ITCH: variants seen among roughly 807,000 people sequenced by gnomAD.
ITCH encodes the protein E3 ubiquitin-protein ligase Itchy homolog.
In ITCH, 28 loss-of-function variants were observed where a neutral mutation model predicts 126.8. The ratio of observed to expected loss-of-function variants is 0.22; its 90% confidence interval spans 0.16 to 0.30. The LOEUF is 0.30. ITCH is among the 10% of genes least tolerant of loss of function. The pLI is 1.00. For synonymous variants in ITCH, 342 were observed against 340.0 expected (o/e 1.01, Z -0.06); for missense variants, 631 against 1,032.4 (o/e 0.61, Z 5.33).
intron 6 of ITCH, among the ~76,000 whole-genome samples, chr20:34,423,115 A>T (rs755608538): frequency 1.3e-5 from 2 of 152,090 alleles, no homozygotes; most frequent in Non-Finnish European, 2.9e-5. Context: ...ATCTCTAAAA[A>T]TTCGTCTTTT....
chr20:34,420,102 G>T (rs1980555887), intron 6 of ITCH, among the ~76,000 whole-genome samples: 1 of 152,048 alleles, frequency 6.6e-6, no homozygotes, highest in African/African-American at 2.4e-5. Flanking sequence ...TTAAAACTGA[G>T]ATGAAATTTA....
At chr20:34,404,847 T>C (rs1049345702) in intron 3 of ITCH, among the ~76,000 whole-genome samples, 1 of 152,064 alleles carries the variant, frequency 6.6e-6, no homozygotes, top group Non-Finnish European at 1.5e-5. Flanking sequence ...ATGTAAAGTT[T>C]GTTAGGCCAG....
At chr20:34,483,788 G>A (rs947623975) in intron 20 of ITCH, among the ~76,000 whole-genome samples, 2 of 152,104 alleles carry the variant, frequency 1.3e-5, no homozygotes, top group African/African-American at 4.8e-5. Context: ...CCCCACTCCT[G>A]GTAACAATTT....
intron 2 of ITCH, among the ~76,000 whole-genome samples, chr20:34,375,987 A>G (rs1333224713): frequency 1.3e-5 from 2 of 152,056 alleles, no homozygotes; most frequent in Non-Finnish European, 2.9e-5. Context: ...CAGACTGAAC[A>G]TCTTAATTTT....
chr20:34,476,965 C>T (rs1419024761), intron 16 of ITCH, among the ~76,000 whole-genome samples: 1 of 152,150 alleles, frequency 6.6e-6, no homozygotes, highest in Non-Finnish European at 1.5e-5. Flanking sequence ...ATCCTATTAA[C>T]CACCTATAGT....
At chr20:34,421,568 G>T (rs1386044566) in intron 6 of ITCH, among the ~76,000 whole-genome samples, 1 of 151,922 alleles carries the variant, frequency 6.6e-6, no homozygotes, top group Admixed American at 6.6e-5. Flanking sequence ...TCTCTTCTTG[G>T]ACGTTCATTG....
intron 14 of ITCH, among the ~76,000 whole-genome samples, chr20:34,464,296 C>CTTT (rs1335251611): frequency 9.4e-5 from 13 of 137,850 alleles, no homozygotes; most frequent in Non-Finnish European, 1.6e-4. Flanking sequence ...CCTGTTTTTT[C>CTTT]TTTTTTTTTT....
At chr20:34,436,614 G>A (rs185163709) in intron 7 of ITCH, among the ~76,000 whole-genome samples, 5 of 152,294 alleles carry the variant, frequency 3.3e-5, no homozygotes, top group Middle Eastern at 6.8e-3. Flanking sequence ...AGCATTTGGG[G>A]AACCCCCAAA....
rs1396364718 is a variant in ITCH at position 34,457,615 on chromosome 20, A to G, written c.1295+141A>G. On this transcript the variant is annotated intron_variant, in intron 13 of 24. Transcript: ENST00000374864. ...ACATACTTTGGAAAGAGAAAATTAT[A>G]CTATTATTTTCATCTAATGGAAAGT... is the stretch of plus-strand genomic sequence containing the variant. 4.4e-6 allele frequency: 3 copies of G among 674,746 alleles called. No homozygotes were observed. In the Admixed American group the frequency reaches 7.2e-5, roughly 16 times the overall value. The allele number at this position is 674,746 out of a possible 1,614,324, so 41.8% of individuals were successfully genotyped here. A position where few individuals can be genotyped will look rare whatever the true frequency, so the allele number is the denominator to read the frequency against.
intron 2 of ITCH, among the ~76,000 whole-genome samples, chr20:34,384,604 G>T (rs1342365701): frequency 6.7e-6 from 1 of 149,664 alleles, no homozygotes; most frequent in Non-Finnish European, 1.5e-5. Context: ...ATAATGTTTA[G>T]AAATGATCTG....
intron 2 of ITCH, among the ~76,000 whole-genome samples, chr20:34,382,533 G>A: frequency 6.6e-6 from 1 of 150,650 alleles, no homozygotes; most frequent in Non-Finnish European, 1.5e-5. Flanking sequence ...AGCCTCTCAA[G>A]TGGCTGGAAT....
chr20:34,485,754 C>G (rs1433296575), intron 20 of ITCH, among the ~76,000 whole-genome samples: 1 of 152,174 alleles, frequency 6.6e-6, no homozygotes, highest in Non-Finnish European at 1.5e-5. Context: ...ACGATCAGAG[C>G]TCACTGCAGT....
chr20:34,503,871 T>TTTG (rs754162017), intron 23 of ITCH, among the ~76,000 whole-genome samples: 1 of 88,928 alleles, frequency 1.1e-5, no homozygotes, highest in African/African-American at 4.4e-5. Context: ...TTTTTTTTGG[T>TTTG]TTTTTTTTTT....
intron 1 of ITCH, among the ~76,000 whole-genome samples, chr20:34,364,384 A>G (rs1045888953): frequency 6.6e-6 from 1 of 152,114 alleles, no homozygotes; most frequent in African/African-American, 2.4e-5. Context: ...CCCTGGAGCC[A>G]GCCACCCACT....
At chr20:34,476,347 G>T in intron 16 of ITCH, 1 of 1,319,700 alleles carries the variant, frequency 7.6e-7, no homozygotes, top group Non-Finnish European at 1.0e-6. Context: ...GCTCCGGCCC[G>T]GTCCCCGGCT....
At chr20:34,452,938 G>A (rs749343031) in intron 12 of ITCH, among the ~76,000 whole-genome samples, 1 of 152,194 alleles carries the variant, frequency 6.6e-6, no homozygotes, top group Non-Finnish European at 1.5e-5. Flanking sequence ...TTGTATAGGT[G>A]CTTCGCCAAT....
chr20:34,383,744 T>C (rs73255058), intron 2 of ITCH, among the ~76,000 whole-genome samples: 2,961 of 151,710 alleles, frequency 0.02, 90 homozygotes, highest in African/African-American at 0.059. Context: ...GCCAGGTTGG[T>C]CTCGGAACTC....
chr20:34,371,869 C>T (rs866827033), intron 2 of ITCH, among the ~76,000 whole-genome samples: 2 of 152,204 alleles, frequency 1.3e-5, no homozygotes, highest in South Asian at 4.2e-4. Context: ...CTGGTTTCCT[C>T]ACTTATCTAT....
intron 14 of ITCH, among the ~76,000 whole-genome samples, chr20:34,466,097 A>G (rs1987030650): frequency 6.6e-6 from 1 of 152,038 alleles, no homozygotes; most frequent in Non-Finnish European, 1.5e-5. Flanking sequence ...AGTGTTTCCT[A>G]TCCCTGTTGT....
Sources: gnomAD v4.1 joint callset for allele counts (sites outside exome capture counted in the v4.1 genomes callset) on GRCh38, gnomAD v4.1.1 for gene constraint, MANE v1.5 for transcripts, NCBI Gene and HGNC (gene_info 2026-07-23, HGNC 2026-07-21) for gene names.